The following INIP variants were observed in gnomAD, a reference collection of about 807,000 sequenced individuals.
The protein encoded by INIP is INTS3 and NABP interacting protein.
A neutral mutation model predicts 14.0 loss-of-function variants in INIP; 9 were observed. That is an observed-to-expected ratio of 0.64 (90% CI 0.39 to 1.12). The LOEUF is 1.12. INIP is among the 50% of genes most tolerant of loss of function. INIP has a pLI of 0.01. For synonymous variants in INIP, 37 were observed against 41.5 expected, an observed-to-expected ratio of 0.89 and a Z score of 0.41; for missense variants, 78 against 122.7, an observed-to-expected ratio of 0.64 and a Z score of 1.72.
intron 2 of INIP, among the ~76,000 whole-genome samples, chr9:112,699,497 T>C (rs761553687): frequency 6.6e-6 from 1 of 152,182 alleles, no homozygotes. Flanking sequence ...CACACAACTT[T>C]CATTGCAGTA....
chr9:112,701,888 A>G (rs2131300356), intron 2 of INIP: 2 of 150,106 alleles, frequency 1.3e-5, no homozygotes, highest in East Asian at 3.9e-4. Context: ...TGTCTGTACA[A>G]AAAAAAAAAA....
rs1837664669 is a variant in INIP at position 112,686,338 on chromosome 9, T to C, written c.*1200A>G. On this transcript the variant is annotated 3_prime_UTR_variant, in exon 5 of 5. Transcript: ENST00000374242. ...TCTATCTCATGGTTTTCAGACTTTA[T>C]TTTGAATCAGATTCTAATTCTGTAG... The C allele has an allele frequency of 6.6e-6, 1 of 152,150 alleles. No individual in the cohort carries two copies. Among genetic ancestry groups the C allele is most frequent in the African/African-American group, 2.4e-5 (1 of 41,448 alleles). The allele number at this position is 152,150 out of a possible 1,614,324, so 9.4% of individuals were successfully genotyped here.
chr9:112,705,466 T>A (rs1036900876), intron 2 of INIP, among the ~76,000 whole-genome samples: 2 of 152,008 alleles, frequency 1.3e-5, no homozygotes, highest in Non-Finnish European at 2.9e-5. Flanking sequence ...TGTGCCACCA[T>A]ACCTGACTAA....
At chr9:112,715,840 A>T (rs1271710499) in intron 2 of INIP, among the ~76,000 whole-genome samples, 4 of 151,512 alleles carry the variant, frequency 2.6e-5, no homozygotes, top group Non-Finnish European at 4.4e-5. Context: ...AAAATTTTTA[A>T]TTTTTTTTAC....
chr9:112,696,016 T>G (rs1216885263), intron 2 of INIP, among the ~76,000 whole-genome samples: 1 of 151,736 alleles, frequency 6.6e-6, no homozygotes, highest in Non-Finnish European at 1.5e-5. Context: ...GTCTCCCAAG[T>G]TGCTAAGACT....
chr9:112,707,830 T>C (rs1363237476), intron 2 of INIP, among the ~76,000 whole-genome samples: 2 of 152,230 alleles, frequency 1.3e-5, no homozygotes, highest in Non-Finnish European at 2.9e-5. Flanking sequence ...AGTACCATAG[T>C]TGAGACACCT....
intron 2 of INIP, among the ~76,000 whole-genome samples, chr9:112,694,775 A>G (rs1464785028): frequency 6.6e-6 from 1 of 152,202 alleles, no homozygotes; most frequent in Non-Finnish European, 1.5e-5. Flanking sequence ...TTTTCAAGGA[A>G]CATGTCAAAG....
intron 2 of INIP, among the ~76,000 whole-genome samples, chr9:112,712,720 T>C (rs879917570): frequency 1.1e-4 from 16 of 152,212 alleles, no homozygotes; most frequent in Admixed American, 9.8e-4. Context: ...AGATTGGAGA[T>C]GGCAGAAGTT....
intron 2 of INIP, among the ~76,000 whole-genome samples, chr9:112,704,120 C>A (rs1234445343): frequency 6.6e-6 from 1 of 152,078 alleles, no homozygotes; most frequent in Non-Finnish European, 1.5e-5. Context: ...TTGTGTGCGA[C>A]TAAGCCAAAC....
chr9:112,705,803 T>C (rs1381288489), intron 2 of INIP, among the ~76,000 whole-genome samples: 1 of 152,174 alleles, frequency 6.6e-6, no homozygotes, highest in Non-Finnish European at 1.5e-5. Flanking sequence ...GCCCAAATTA[T>C]GTGTGGAAAA....
chr9:112,694,274 G>A (rs189013730), intron 2 of INIP, 41 bp from the exon 3 acceptor site: 2 of 1,213,088 alleles, frequency 1.6e-6, no homozygotes, highest in East Asian at 2.3e-5. Context: ...GAGAAAGAGA[G>A]AGTAATCAGA....
intron 4 of INIP, 58 bp from the exon 5 acceptor site, chr9:112,687,691 C>T (rs1043554191): frequency 1.1e-4 from 103 of 960,928 alleles, no homozygotes; most frequent in African/African-American, 1.6e-4. Flanking sequence ...CACAATTCTT[C>T]GACCAAGGCA....
At position 112,686,297 on chromosome 9, in the gene INIP, A is replaced by G. The variant is rs760161083; in HGVS notation, c.*1241T>C. The G allele has an allele frequency of 5.9e-5, 9 of 152,188 alleles. No individual in the cohort carries two copies. The highest frequency in any genetic ancestry group is 1.0e-4 in the Non-Finnish European group (7 of 68,030). 9.4% of individuals were successfully genotyped at this position (152,188 alleles called of 1,614,324 possible). Reference sequence around the variant, plus strand: ...AATATATCACGAAAATCTGTACAAGATATTTCATAGAATTCTCTATCTCAT... The same window carrying G: ...AATATATCACGAAAATCTGTACAAGGTATTTCATAGAATTCTCTATCTCAT... On this transcript the variant is annotated 3_prime_UTR_variant, in exon 5 of 5. Coordinates refer to ENST00000374242, the MANE Select transcript of INIP (RefSeq NM_021218.3).
chr9:112,698,469 C>T lies in INIP; in HGVS notation c.26-4236G>A, dbSNP rs536431503. Among the ~76,000 whole-genome samples the T allele has an allele frequency of 2.2e-3, 330 of 152,134 alleles. 2 individuals carry two copies. The highest frequency in any genetic ancestry group is 3.8e-3 in the Non-Finnish European group (259 of 68,014). ...GACATTTATGCCTGTGTATGGCAAT[C>T]TGATGGTAAAAGGAGCCATATGTAA... is the stretch of plus-strand genomic sequence containing the variant. On this transcript the variant is annotated intron_variant, in intron 2 of 4. Coordinates refer to ENST00000374242, the MANE Select transcript of INIP (RefSeq NM_021218.3).
At chr9:112,691,718 T>TA (rs1837890274) in intron 3 of INIP, among the ~76,000 whole-genome samples, 1 of 152,174 alleles carries the variant, frequency 6.6e-6, no homozygotes, top group African/African-American at 2.4e-5. Context: ...GAGAGTACTT[T>TA]AAGAGAGTGG....
At chr9:112,704,143 A>G (rs1838384225) in intron 2 of INIP, among the ~76,000 whole-genome samples, 1 of 152,228 alleles carries the variant, frequency 6.6e-6, no homozygotes, top group Non-Finnish European at 1.5e-5. Context: ...TTCCAAAAAA[A>G]GTAGGTCACA....
At chr9:112,712,609 GTA>G (rs989374470) in intron 2 of INIP, among the ~76,000 whole-genome samples, 2 of 152,160 alleles carry the variant, frequency 1.3e-5, no homozygotes, top group African/African-American at 4.8e-5. Flanking sequence ...AATAAAAGGG[GTA>G]TTTTAGCAAA....
intron 2 of INIP, among the ~76,000 whole-genome samples, chr9:112,708,672 T>C (rs1425345171): frequency 6.6e-6 from 1 of 152,096 alleles, no homozygotes; most frequent in Non-Finnish European, 1.5e-5. Context: ...TGGGCTAAAA[T>C]CAAGATGTTG....
At chr9:112,707,389 C>G (rs1838510940) in intron 2 of INIP, among the ~76,000 whole-genome samples, 1 of 149,902 alleles carries the variant, frequency 6.7e-6, no homozygotes, top group Non-Finnish European at 1.5e-5. Context: ...TTTGAAAAAA[C>G]ATTTCCACTT....
Sources: gnomAD v4.1 joint callset for allele counts (sites outside exome capture counted in the v4.1 genomes callset) on GRCh38, gnomAD v4.1.1 for gene constraint, MANE v1.5 for transcripts, NCBI Gene and HGNC (gene_info 2026-07-23, HGNC 2026-07-21) for gene names.